Variants in HEXA observed in about 807,000 individuals in gnomAD.
The protein encoded by HEXA is hexosaminidase subunit alpha, also known as beta-hexosaminidase subunit alpha.
Under a neutral mutation model 73.3 loss-of-function variants are expected in HEXA, and 54 were observed. That is an observed-to-expected ratio of 0.74 (90% CI 0.59 to 0.92). The LOEUF is 0.92. Among genes scored for constraint, HEXA ranks in the 40% least tolerant of loss-of-function variants. The probability of loss-of-function intolerance (pLI) is 0.00; values close to 1 mark genes in which losing one functional copy is unlikely to be tolerated. For synonymous variants in HEXA, 230 were observed against 246.9 expected (o/e 0.93, Z 0.64); for missense variants, 649 against 653.0 (o/e 0.99, Z 0.07).
chr15:72,346,653 T>C lies in HEXA; in HGVS notation c.1204A>G (p.Lys402Glu), dbSNP rs1174961541. 1 of 1,614,132 alleles carries C rather than the reference T, an allele frequency of 6.2e-7. No homozygotes were observed. Among genetic ancestry groups the C allele is most frequent in the East Asian group, 2.2e-5 (1 of 44,890 alleles). Residue 402 changes from lysine (K) to glutamate (E), a missense_variant, in exon 11 of 14, where the codon AAG becomes GAG. By Grantham distance (56) the Lys-to-Glu change is moderately conservative. Coordinates refer to ENST00000268097, the MANE Select transcript of HEXA (RefSeq NM_000520.6). ...WREDIPVNYMKELELVTKAGF... is the reference protein window; with the variant it reads ...WREDIPVNYMEELELVTKAGF... Reference sequence around the variant, plus strand: ...GCCTTGGTGACCAGTTCCAGCTCCTTCATATAGTTCACTGGAATATCCTCT... The same window carrying C: ...GCCTTGGTGACCAGTTCCAGCTCCTCCATATAGTTCACTGGAATATCCTCT...
rs1216659000 is a variant in HEXA, at chr15:72,346,598, CA to C, written c.1258del (p.Trp420GlyfsTer3). 1 of 1,614,108 alleles carries C rather than the reference CA, an allele frequency of 6.2e-7. No homozygotes were observed. ...AGFRALLSAP[W>X]YLNRISYGPD... ...GCCATAGGATATACGGTTCAGGTAC[CA>C]GGGGGCAGAGAGAAGGGCCCGGAAG... On this transcript the variant is annotated frameshift_variant, in exon 11 of 14. Coordinates refer to ENST00000268097, the MANE Select transcript of HEXA (RefSeq NM_000520.6). LOFTEE classifies it high-confidence loss of function.
chr15:72,356,390 G>T, intron 2 of HEXA, 135 bp downstream of exon 2: 1 of 877,310 alleles, frequency 1.1e-6, no homozygotes, highest in Non-Finnish European at 1.8e-6. Context: ...ATGGCTCTCA[G>T]CACTTGGTGA....
At chr15:72,347,630 G>C in intron 10 of HEXA, 56 bp downstream of exon 10, 1 of 1,375,658 alleles carries the variant, frequency 7.3e-7, no homozygotes, top group South Asian at 1.2e-5. Context: ...GGAGGAGCTG[G>C]GGAGACCAGA....
At chr15:72,361,890 T>TA (rs1225369921) in intron 1 of HEXA, among the ~76,000 whole-genome samples, 5 of 152,192 alleles carry the variant, frequency 3.3e-5, no homozygotes, top group Non-Finnish European at 5.9e-5. Context: ...TGGATGACTA[T>TA]AAAAAATCTC....
intron 1 of HEXA, among the ~76,000 whole-genome samples, chr15:72,367,973 T>G (rs142683516): frequency 1.4e-5 from 1 of 72,464 alleles, no homozygotes; most frequent in Non-Finnish European, 4.6e-5. Context: ...TCAGTTATCA[T>G]AGAAAAATAT....
In HEXA at chr15:72,341,109, T is replaced by G. The variant is rs1454101166; in HGVS notation, c.*2968A>C. On this transcript the variant is annotated 3_prime_UTR_variant, in exon 14 of 14. Coordinates refer to ENST00000268097, the MANE Select transcript of HEXA (RefSeq NM_000520.6). ...GACAGAAACTATACAAATCTAGAATTTAGAGTGCTAGGAATGTTGCCATAA... is the reference window on the plus strand; with the variant it reads ...GACAGAAACTATACAAATCTAGAATGTAGAGTGCTAGGAATGTTGCCATAA... The G allele has an allele frequency of 6.6e-6, 1 of 152,040 alleles. No homozygotes were observed. The highest frequency in any genetic ancestry group is 1.9e-4 in the East Asian group (1 of 5,168). 9.4% of individuals were successfully genotyped at this position (152,040 alleles called of 1,614,324 possible).
intron 5 of HEXA, among the ~76,000 whole-genome samples, chr15:72,352,385 T>A (rs2088710191): frequency 6.7e-6 from 1 of 149,550 alleles, no homozygotes; most frequent in Non-Finnish European, 1.5e-5. Flanking sequence ...GCAGATTGCT[T>A]GAGCCCAGGA....
intron 1 of HEXA, among the ~76,000 whole-genome samples, chr15:72,366,838 T>A (rs1378497904): frequency 2.6e-5 from 4 of 152,194 alleles, no homozygotes; most frequent in Admixed American, 2.6e-4. Context: ...GCTCTAGTAC[T>A]ACATAGCTAA....
rs762255098 is a variant in HEXA at position 72,350,568 on chromosome 15, C to T, written c.755G>A (p.Arg252His). The change falls in exon 7 of 14, where the codon CGT (arginine) becomes CAT (histidine). Residue 252 changes from arginine (R) to histidine (H), a missense_variant. Coordinates refer to ENST00000268097, the MANE Select transcript of HEXA (RefSeq NM_000520.6). ...AGGAGTGTCAAACTCTGCAAGCACA[C>T]GGATACCCCGGAGCCGTGCGTATTC... ...VIEYARLRGI[R>H]VLAEFDTPGH... 8.7e-6 allele frequency: 14 copies of T among 1,613,996 alleles called. No individual in the cohort carries two copies. In the Admixed American group the frequency reaches 1.0e-4, roughly 12 times the overall value.
In HEXA at chr15:72,343,966, C is replaced by T. The variant is rs561029456; in HGVS notation, c.*111G>A. 46 of 865,848 alleles carry T rather than the reference C, an allele frequency of 5.3e-5. No homozygotes were observed. Among genetic ancestry groups the T allele is most frequent in the East Asian group, 2.5e-4 (10 of 40,048 alleles). 53.6% of individuals were successfully genotyped at this position (865,848 alleles called of 1,614,324 possible). A position where few individuals can be genotyped will look rare whatever the true frequency, so the allele number is the denominator to read the frequency against. The stretch of plus-strand genomic sequence containing the variant: ...CCCTTTCTCTCCAAGCACAGGGGCA[C>T]GCAGGCAAGGGGCACGAAGGCAAGG... On this transcript the variant is annotated 3_prime_UTR_variant, in exon 14 of 14. Transcript: ENST00000268097.
chr15:72,348,457 G>A (rs1257542153), intron 8 of HEXA, among the ~76,000 whole-genome samples: 2 of 152,184 alleles, frequency 1.3e-5, no homozygotes, highest in South Asian at 2.1e-4. Flanking sequence ...ACTGGATTTC[G>A]GCTTTCCTAT....
intron 1 of HEXA, among the ~76,000 whole-genome samples, chr15:72,371,910 G>C (rs867076690): frequency 4.6e-5 from 7 of 152,166 alleles, no homozygotes; most frequent in Admixed American, 2.0e-4. Context: ...GCTGGAGAAG[G>C]GGGGCAGGAT....
rs1435809210 is a variant in HEXA at position 72,350,600 on chromosome 15, C to T, written c.723G>A (p.Glu241=). The change falls in exon 7 of 14, where the codon GAG becomes GAA. Residue 241 remains glutamate (E), a synonymous_variant. Transcript: ENST00000268097. ...THIYTAQDVK[E]VIEYARLRGI... ...CCCGGAGCCGTGCGTATTCAATGAC[C>T]TCCTTCACATCCTGTGCTGTGTAGA... is the stretch of plus-strand genomic sequence containing the variant. 1 of 1,614,188 alleles carries T rather than the reference C, an allele frequency of 6.2e-7. No individual in the cohort carries two copies. Among genetic ancestry groups the T allele is most frequent in the East Asian group, 2.2e-5 (1 of 44,888 alleles).
chr15:72,375,659 G>GA, intron 1 of HEXA, 61 bp downstream of exon 1: 1 of 1,595,900 alleles, frequency 6.3e-7, no homozygotes, highest in African/African-American at 1.3e-5. Flanking sequence ...AGCCCTGGGG[G>GA]AACTGTCCCC....
Position 72,346,597 on chromosome 15 carries a change from C to G in HEXA, c.1260G>C (p.Trp420Cys), listed in dbSNP as rs121907958. The change falls in exon 11 of 14, where the codon TGG (tryptophan) becomes TGC (cysteine). Residue 420 changes from tryptophan to cysteine, a missense_variant. Physicochemically the swap from Trp to Cys is radical, Grantham distance 215. Transcript: ENST00000268097. ...AGFRALLSAP[W>C]YLNRISYGPD... The stretch of plus-strand genomic sequence containing the variant: ...GGCCATAGGATATACGGTTCAGGTA[C>G]CAGGGGGCAGAGAGAAGGGCCCGGA... The G allele has an allele frequency of 2.5e-5, 40 of 1,613,938 alleles. No homozygotes were observed. The highest frequency in any genetic ancestry group is 3.1e-5 in the Non-Finnish European group (36 of 1,180,010).
At position 72,346,247 on chromosome 15, in the gene HEXA, A is replaced by G; in HGVS notation, c.1409T>C (p.Val470Ala). The G allele has an allele frequency of 1.2e-6, 2 of 1,613,336 alleles. No homozygotes were observed. Among genetic ancestry groups the G allele is most frequent in the Non-Finnish European group, 1.7e-6 (2 of 1,179,514 alleles). ...CGAAAACCCTTACCAGAGCCTGGGGACCAGGTTTGTGTTGTCCACATATTC... is the reference window on the plus strand; with the variant it reads ...CGAAAACCCTTACCAGAGCCTGGGGGCCAGGTTTGTGTTGTCCACATATTC... ...WGEYVDNTNLVPRLWPRAGAV... is the reference protein window; with the variant it reads ...WGEYVDNTNLAPRLWPRAGAV... Residue 470 changes from valine (V) to alanine (A), a missense_variant, in exon 12 of 14, where the codon GTC (valine) becomes GCC (alanine). Coordinates refer to ENST00000268097, the MANE Select transcript of HEXA (RefSeq NM_000520.6).
At chr15:72,360,060 A>T (rs2088834417) in intron 1 of HEXA, 2 of 152,590 alleles carry the variant, frequency 1.3e-5, no homozygotes, top group African/African-American at 4.8e-5. Flanking sequence ...GCTGGCCTAC[A>T]TGTAGTGATT....
chr15:72,370,326 C>T (rs2088972749), intron 1 of HEXA: 1 of 300,614 alleles, frequency 3.3e-6, no homozygotes, highest in Non-Finnish European at 6.1e-6. Flanking sequence ...AAACCAGGCC[C>T]AGGCTACCCA....
At chr15:72,356,080 G>A (rs2088774667) in intron 2 of HEXA, 1 of 407,614 alleles carries the variant, frequency 2.5e-6, no homozygotes, top group Non-Finnish European at 4.8e-6. Context: ...TGTGAGGAAG[G>A]AGCCAAACTC....
Sources: allele counts gnomAD v4.1 joint callset (sites outside exome capture counted in the v4.1 genomes callset), GRCh38; gene constraint gnomAD v4.1.1; transcripts MANE v1.5; gene names NCBI Gene and HGNC (gene_info 2026-07-23, HGNC 2026-07-21).